Variants in GPR158 observed in about 807,000 individuals in gnomAD.
GPR158 encodes G protein-coupled receptor 158, also known as metabotropic glycine receptor.
A neutral mutation model predicts 78.2 loss-of-function variants in GPR158; 30 were observed. The observed-to-expected ratio is 0.38, with a 90% CI of 0.29 to 0.52. GPR158 has a LOEUF of 0.52. Among genes scored for constraint, GPR158 ranks in the 20% least tolerant of loss-of-function variants. GPR158 has a pLI of 0.83. For missense variants in GPR158, 1,463 were observed against 1,523.5 expected (o/e 0.96, Z 0.66); for synonymous variants, 581 against 591.1 (o/e 0.98, Z 0.25).
At chr10:25,418,045 T>A (rs925469266) in intron 4 of GPR158, among the ~76,000 whole-genome samples, 1 of 152,112 alleles carries the variant, frequency 6.6e-6, no homozygotes, top group Non-Finnish European at 1.5e-5. Flanking sequence ...GGAAAACCAA[T>A]AACAATGTCA....
At chr10:25,597,269 C>T (rs1837420433) in intron 10 of GPR158, among the ~76,000 whole-genome samples, 1 of 152,216 alleles carries the variant, frequency 6.6e-6, no homozygotes, top group African/African-American at 2.4e-5. Context: ...AATCTAACAT[C>T]ACATGTAACT....
chr10:25,243,765 G>A (rs1357312417), intron 2 of GPR158, among the ~76,000 whole-genome samples: 1 of 152,142 alleles, frequency 6.6e-6, no homozygotes, highest in Non-Finnish European at 1.5e-5. Flanking sequence ...GAGATATGAT[G>A]CCTGAACTAA....
At chr10:25,562,559 A>ATGTT (rs1289928506) in intron 6 of GPR158, among the ~76,000 whole-genome samples, 1 of 151,968 alleles carries the variant, frequency 6.6e-6, no homozygotes, top group Non-Finnish European at 1.5e-5. Flanking sequence ...ATTTTGTTTA[A>ATGTT]TGTTTACTTA....
At chr10:25,481,146 C>G (rs1835659544) in intron 5 of GPR158, among the ~76,000 whole-genome samples, 1 of 152,106 alleles carries the variant, frequency 6.6e-6, no homozygotes, top group African/African-American at 2.4e-5. Context: ...GGATGATGAG[C>G]TCAACCAGCA....
chr10:25,309,687 T>C (rs757210791), intron 2 of GPR158, among the ~76,000 whole-genome samples: 10 of 152,142 alleles, frequency 6.6e-5, no homozygotes, highest in Non-Finnish European at 1.0e-4. Flanking sequence ...TTGGAGATAA[T>C]TGAATCATGG....
At chr10:25,577,230 T>C (rs886620160) in intron 7 of GPR158, among the ~76,000 whole-genome samples, 1 of 152,188 alleles carries the variant, frequency 6.6e-6, no homozygotes, top group Admixed American at 6.5e-5. Flanking sequence ...CTCAGACTGT[T>C]AATCAAAAAT....
chr10:25,354,237 C>T (rs1221947584), intron 2 of GPR158, among the ~76,000 whole-genome samples: 15 of 151,812 alleles, frequency 9.9e-5, no homozygotes, highest in Non-Finnish European at 2.2e-4. Context: ...TGCCTGTAAT[C>T]CCAGCCTCCT....
intron 2 of GPR158, among the ~76,000 whole-genome samples, chr10:25,329,551 A>G (rs958142372): frequency 1.3e-5 from 2 of 151,002 alleles, no homozygotes; most frequent in Non-Finnish European, 1.5e-5. Context: ...CTTGGATCTC[A>G]CTGTGACTTT....
chr10:25,283,989 G>T (rs1854312686), intron 2 of GPR158, among the ~76,000 whole-genome samples: 1 of 152,014 alleles, frequency 6.6e-6, no homozygotes, highest in Admixed American at 6.6e-5. Context: ...ACTTTGTGTG[G>T]TATGTATTCT....
chr10:25,208,748 C>T (rs1200339765), intron 1 of GPR158, among the ~76,000 whole-genome samples: 1 of 152,100 alleles, frequency 6.6e-6, no homozygotes, highest in Non-Finnish European at 1.5e-5. Context: ...CCTGCTTTCA[C>T]CTGAATTAAC....
chr10:25,407,984 T>G (rs1233391879), intron 3 of GPR158, among the ~76,000 whole-genome samples: 1 of 152,224 alleles, frequency 6.6e-6, no homozygotes, highest in Non-Finnish European at 1.5e-5. Flanking sequence ...CATACTGCAA[T>G]ATTTTTCAAG....
At chr10:25,296,836 A>G (rs1166852115) in intron 2 of GPR158, among the ~76,000 whole-genome samples, 1 of 152,186 alleles carries the variant, frequency 6.6e-6, no homozygotes, top group Non-Finnish European at 1.5e-5. Flanking sequence ...TGAGTCTAGG[A>G]TTTTATTCCA....
chr10:25,313,053 G>A (rs1165708212), intron 2 of GPR158, among the ~76,000 whole-genome samples: 1 of 151,980 alleles, frequency 6.6e-6, no homozygotes, highest in African/African-American at 2.4e-5. Context: ...AAGAAACACA[G>A]ATTATTAATA....
chr10:25,208,538 T>G (rs1853078870), intron 1 of GPR158, among the ~76,000 whole-genome samples: 1 of 150,586 alleles, frequency 6.6e-6, no homozygotes, highest in African/African-American at 2.4e-5. Context: ...CAGTATGAGA[T>G]TCTTTGGTCC....
intron 4 of GPR158, among the ~76,000 whole-genome samples, chr10:25,427,771 T>C (rs555194912): frequency 8.5e-5 from 13 of 152,174 alleles, no homozygotes; most frequent in African/African-American, 3.1e-4. Flanking sequence ...GGACTTTGGA[T>C]TGAATTTACA....
chr10:25,303,653 G>A (rs1269969048), intron 2 of GPR158, among the ~76,000 whole-genome samples: 3 of 152,112 alleles, frequency 2.0e-5, no homozygotes, highest in South Asian at 4.1e-4. Flanking sequence ...AAATAAATTC[G>A]ATGATAACCC....
At chr10:25,365,369 G>A (rs72796153) in intron 2 of GPR158, among the ~76,000 whole-genome samples, 1,850 of 151,794 alleles carry the variant, frequency 0.012, 21 homozygotes, top group Non-Finnish European at 0.017. Flanking sequence ...TCTAGTTCCT[G>A]CCTTTTGATT....
chr10:25,442,714 T>G (rs1835084655), intron 4 of GPR158, among the ~76,000 whole-genome samples: 1 of 152,170 alleles, frequency 6.6e-6, no homozygotes, highest in Non-Finnish European at 1.5e-5. Flanking sequence ...GACATAGCTC[T>G]ATTCCTTTCT....
chr10:25,368,892 T>A (rs7918718), intron 2 of GPR158, among the ~76,000 whole-genome samples: 1 of 142,932 alleles, frequency 7.0e-6, no homozygotes, highest in Non-Finnish European at 1.5e-5. Context: ...TCACATCCCT[T>A]GTAAGTTGGA....
Sources: allele counts gnomAD v4.1 joint callset (sites outside exome capture counted in the v4.1 genomes callset), GRCh38; gene constraint gnomAD v4.1.1; transcripts MANE v1.5; gene names NCBI Gene and HGNC (gene_info 2026-07-23, HGNC 2026-07-21).